Variants in CRIM1 observed in about 807,000 individuals in gnomAD.
CRIM1 encodes cysteine-rich motor neuron 1 protein.
A neutral mutation model predicts 116.4 loss-of-function variants in CRIM1; 32 were observed. That is an observed-to-expected ratio of 0.27 (90% confidence interval 0.21 to 0.37). CRIM1 has a LOEUF of 0.37. CRIM1 is among the 10% of genes least tolerant of loss of function. The pLI is 1.00. For synonymous variants in CRIM1, 590 were observed against 509.2 expected, an observed-to-expected ratio of 1.16 and a Z score of -2.13; for missense variants, 1,331 against 1,354.8, an observed-to-expected ratio of 0.98 and a Z score of 0.28.
chr2:36,414,549 T>G (rs1673456539), intron 2 of CRIM1, among the ~76,000 whole-genome samples: 1 of 152,244 alleles, frequency 6.6e-6, no homozygotes. Context: ...ATTATGTGAT[T>G]GCTGTTGACG....
intron 4 of CRIM1, among the ~76,000 whole-genome samples, chr2:36,453,738 T>C (rs1194903537): frequency 2.0e-5 from 3 of 152,212 alleles, no homozygotes; most frequent in South Asian, 2.1e-4. Flanking sequence ...TAAAGTGTTG[T>C]GTGCTTTGGT....
At chr2:36,542,285 A>T (rs1667000077) in intron 14 of CRIM1, among the ~76,000 whole-genome samples, 1 of 152,238 alleles carries the variant, frequency 6.6e-6, no homozygotes, top group Non-Finnish European at 1.5e-5. Flanking sequence ...AGTGCTCAGG[A>T]AATATTTGTT....
chr2:36,539,588 CAG>C (rs1338687229), intron 14 of CRIM1, among the ~76,000 whole-genome samples: 8 of 152,222 alleles, frequency 5.3e-5, no homozygotes, highest in Admixed American at 2.0e-4. Flanking sequence ...ATAGTGAAAG[CAG>C]AGAGACCAAC....
chr2:36,407,270 T>C (rs1336120716), intron 2 of CRIM1, among the ~76,000 whole-genome samples: 1 of 152,210 alleles, frequency 6.6e-6, no homozygotes, highest in African/African-American at 2.4e-5. Context: ...TATATGTATA[T>C]CTGTAAACAC....
chr2:36,395,152 C>T lies in CRIM1; in HGVS notation c.332-1462C>T, dbSNP rs545281731. ...CCTTCAGCCTCCTGAGTAACTGGGA[C>T]CACAGGCATGCGCCACCATGTCCAG... On this transcript the variant is annotated intron_variant, in intron 1 of 16. Transcript: ENST00000280527. Among the ~76,000 whole-genome samples the T allele has an allele frequency of 6.6e-5, 10 of 152,016 alleles. No individual in the cohort carries two copies. The South Asian group carries it at 1.7e-3, about 25-fold the overall frequency.
chr2:36,475,047 GT>G (rs1678856017), intron 5 of CRIM1, among the ~76,000 whole-genome samples: 1 of 151,978 alleles, frequency 6.6e-6, no homozygotes, highest in Admixed American at 6.6e-5. Context: ...CTCTAACTTT[GT>G]TCTCCCTTTT....
chr2:36,467,123 T>A (rs146948470), intron 5 of CRIM1, among the ~76,000 whole-genome samples: 84 of 150,272 alleles, frequency 5.6e-4, no homozygotes, highest in African/African-American at 2.0e-3. Flanking sequence ...ATTTGCCATC[T>A]GTCCTGAGAA....
In CRIM1 at chr2:36,356,596, A is replaced by C. The variant is rs753441532; in HGVS notation, c.304A>C (p.Thr102Pro). ...CCCCCCGCTCAATGGCGACTCCCTCACCGAGTACGAAGCGGGCGTTTGCGA... is the reference window on the plus strand; with the variant it reads ...CCCCCCGCTCAATGGCGACTCCCTCCCCGAGTACGAAGCGGGCGTTTGCGA... ...IRPPLNGDSLTEYEAGVCEDE... is the reference protein window; with the variant it reads ...IRPPLNGDSLPEYEAGVCEDE... Residue 102 changes from threonine to proline, a missense_variant, in exon 1 of 17, where the codon ACC becomes CCC. Thr to Pro is a conservative substitution (Grantham distance 38). This residue lies in a region of CRIM1 where 690 missense variants were observed against 676.0 expected (regional missense o/e 1.02). Transcript: ENST00000280527. This position sits in a 1 kb window ranked among gnomAD's most constrained non-coding sequence, Gnocchi z 4.3. 6.2e-7 allele frequency: 1 copy of C among 1,610,722 alleles called. No individual in the cohort carries two copies. Among genetic ancestry groups the C allele is most frequent in the Non-Finnish European group, 8.5e-7 (1 of 1,179,400 alleles).
intron 14 of CRIM1, among the ~76,000 whole-genome samples, chr2:36,538,516 T>C (rs1004270533): frequency 6.6e-6 from 1 of 152,226 alleles, no homozygotes; most frequent in African/African-American, 2.4e-5. Context: ...CTGGGAACCA[T>C]GCCAATTCAC....
chr2:36,383,152 A>G (rs1572605982), intron 1 of CRIM1, among the ~76,000 whole-genome samples: 1 of 152,216 alleles, frequency 6.6e-6, no homozygotes, highest in African/African-American at 2.4e-5. Context: ...GTGGGAATAC[A>G]TATTTCTGTA....
chr2:36,435,349 T>TGTGTGA (rs1553383595), intron 2 of CRIM1, among the ~76,000 whole-genome samples: 1 of 151,536 alleles, frequency 6.6e-6, no homozygotes, highest in Non-Finnish European at 1.5e-5. Context: ...TGTGTGTGTG[T>TGTGTGA]GAGTGAGAGA....
chr2:36,356,637 C>T lies in CRIM1; in HGVS notation c.331+14C>T, dbSNP rs371784720. On this transcript the variant is annotated intron_variant, in intron 1 of 16. Coordinates refer to ENST00000280527, the MANE Select transcript of CRIM1 (RefSeq NM_016441.3). The surrounding 1 kb of genome is among the most constrained non-coding windows in gnomAD (Gnocchi z 4.3). ...GCGTTTGCGAAGGTACGGCCGCCCG[C>T]TGCGGGCCCCCTCCCACCTGGCCTG... 9.4e-6 allele frequency: 15 copies of T among 1,598,130 alleles called. No individual in the cohort carries two copies. Among genetic ancestry groups the T allele is most frequent in the Non-Finnish European group, 1.3e-5 (15 of 1,174,092 alleles).
intron 1 of CRIM1, among the ~76,000 whole-genome samples, chr2:36,359,271 G>A (rs910745529): frequency 1.3e-5 from 2 of 152,116 alleles, no homozygotes; most frequent in Non-Finnish European, 1.5e-5. Context: ...AATTGGCTAC[G>A]TTGTAAAAAC....
At chr2:36,507,457 C>G (rs548273786) in intron 8 of CRIM1, among the ~76,000 whole-genome samples, 18 of 152,100 alleles carry the variant, frequency 1.2e-4, no homozygotes, top group Admixed American at 3.3e-4. Context: ...TGTTGAATAC[C>G]CACTCTGTAC....
chr2:36,368,440 G>A (rs1669738604), intron 1 of CRIM1, among the ~76,000 whole-genome samples: 1 of 152,250 alleles, frequency 6.6e-6, no homozygotes, highest in African/African-American at 2.4e-5. Context: ...ATGTTGTCCA[G>A]CGGCAGGACG....
At chr2:36,483,271 C>T (rs959881541) in intron 7 of CRIM1, among the ~76,000 whole-genome samples, 4 of 152,100 alleles carry the variant, frequency 2.6e-5, no homozygotes, top group East Asian at 1.9e-4. Context: ...CATACATAGA[C>T]GACACAGCCT....
chr2:36,479,385 T>C, intron 6 of CRIM1, 112 bp from the exon 7 acceptor site: 1 of 988,984 alleles, frequency 1.0e-6, no homozygotes, highest in Non-Finnish European at 1.5e-6. Flanking sequence ...TTGATCACAG[T>C]GGGAATAGAA....
chr2:36,495,731 T>C (rs1680541408), intron 7 of CRIM1, among the ~76,000 whole-genome samples: 1 of 152,130 alleles, frequency 6.6e-6, no homozygotes, highest in Admixed American at 6.6e-5. Flanking sequence ...ATCTCAGTTG[T>C]CTCATGGCAC....
At chr2:36,369,529 C>T (rs1002737536) in intron 1 of CRIM1, among the ~76,000 whole-genome samples, 3 of 152,092 alleles carry the variant, frequency 2.0e-5, no homozygotes, top group Non-Finnish European at 2.9e-5. Context: ...TCTGCATTAA[C>T]GACAAAAAGT....
Sources: allele counts gnomAD v4.1 joint callset (sites outside exome capture counted in the v4.1 genomes callset), GRCh38; gene constraint gnomAD v4.1.1; regional missense constraint gnomAD v4.1.1; non-coding constraint Gnocchi (gnomAD v3.1); transcripts MANE v1.5; gene names NCBI Gene and HGNC (gene_info 2026-07-23, HGNC 2026-07-21).